NR6A1: variants seen among roughly 807,000 people sequenced by gnomAD.
NR6A1 encodes the protein retinoic acid receptor-related testis-associated receptor.
A neutral mutation model predicts 59.1 loss-of-function variants in NR6A1; 7 were observed. The observed-to-expected ratio is 0.12, with a 90% CI of 0.07 to 0.22. The LOEUF is 0.22. Ranked by LOEUF, NR6A1 falls within the 10% of genes least tolerant of loss-of-function variation. The pLI, the probability that NR6A1 is intolerant of heterozygous loss-of-function variation, is 1.00. For missense variants in NR6A1, 468 were observed against 611.6 expected (o/e 0.77, Z 2.48); for synonymous variants, 243 against 236.1 (o/e 1.03, Z -0.27).
chr9:124,742,131 G>T (rs1336692852), intron 1 of NR6A1, among the ~76,000 whole-genome samples: 3 of 152,118 alleles, frequency 2.0e-5, no homozygotes, highest in Non-Finnish European at 4.4e-5. Flanking sequence ...AAGAGTTTTT[G>T]GTTTTTATCC....
chr9:124,682,567 T>C (rs931173050), intron 2 of NR6A1, among the ~76,000 whole-genome samples: 7 of 152,324 alleles, frequency 4.6e-5, no homozygotes, highest in South Asian at 2.1e-4. Context: ...TTTAAAAAAA[T>C]AGCTATTTTT....
intron 1 of NR6A1, among the ~76,000 whole-genome samples, chr9:124,739,230 AT>A (rs1318793672): frequency 1.3e-5 from 2 of 152,090 alleles, no homozygotes; most frequent in Non-Finnish European, 2.9e-5. Flanking sequence ...ATGGGTATGA[AT>A]TAGAATTAGA....
chr9:124,760,453 A>T (rs1265513800), intron 1 of NR6A1, among the ~76,000 whole-genome samples: 1 of 152,174 alleles, frequency 6.6e-6, no homozygotes, highest in Non-Finnish European at 1.5e-5. Flanking sequence ...CAACATAGAT[A>T]AATGCCCCAG....
At chr9:124,750,149 CCA>C (rs1310079073) in intron 1 of NR6A1, among the ~76,000 whole-genome samples, 1 of 152,232 alleles carries the variant, frequency 6.6e-6, no homozygotes, top group African/African-American at 2.4e-5. Context: ...TCAGTCCCTA[CCA>C]TGTTAAGGCT....
intron 1 of NR6A1, among the ~76,000 whole-genome samples, chr9:124,760,754 T>C (rs533082094): frequency 6.6e-6 from 1 of 152,336 alleles, no homozygotes; most frequent in East Asian, 1.9e-4. Flanking sequence ...TATGTAAATG[T>C]TAGCTATTAA....
intron 2 of NR6A1, among the ~76,000 whole-genome samples, chr9:124,617,108 T>A (rs1835917638): frequency 6.6e-6 from 1 of 152,164 alleles, no homozygotes; most frequent in Admixed American, 6.5e-5. Context: ...GTAAGGAGAT[T>A]AGAAACCAGA....
intron 2 of NR6A1, among the ~76,000 whole-genome samples, chr9:124,583,393 T>C (rs1282099648): frequency 2.0e-5 from 3 of 152,190 alleles, no homozygotes; most frequent in African/African-American, 7.2e-5. Context: ...AGTAAGGCTA[T>C]AGCATGCTCT....
In NR6A1 at chr9:124,563,704, T is replaced by C. The variant is rs542070105; in HGVS notation, c.143-9134A>G. Among the ~76,000 whole-genome samples, 8 of 152,344 alleles carry C rather than the reference T, an allele frequency of 5.3e-5. No homozygotes were observed. The South Asian group carries it at 1.4e-3, about 28-fold the overall frequency. On this transcript the variant is annotated intron_variant, in intron 2 of 9. Coordinates refer to ENST00000487099, the MANE Select transcript of NR6A1 (RefSeq NM_033334.4). ...ACTTAAGGACTTTTCTACTTTATGA[T>C]GGTATGAAAGTGATATGTATTCAGT... is the stretch of plus-strand genomic sequence containing the variant.
rs1037091916 is a variant in NR6A1, at chr9:124,519,106, T to G, written c.*3599A>C. Reference sequence around the variant, plus strand: ...TGCACCTAGCTCAGAGCCCAGGATTTTAAGGATCTGGTAACAGTGACCATG... The same window carrying G: ...TGCACCTAGCTCAGAGCCCAGGATTGTAAGGATCTGGTAACAGTGACCATG... On this transcript the variant is annotated 3_prime_UTR_variant, in exon 10 of 10. Coordinates refer to ENST00000487099, the MANE Select transcript of NR6A1 (RefSeq NM_033334.4). 1 of 152,178 alleles carries G rather than the reference T, an allele frequency of 6.6e-6. No individual in the cohort carries two copies. Among genetic ancestry groups the G allele is most frequent in the African/African-American group, 2.4e-5 (1 of 41,426 alleles). 9.4% of individuals were successfully genotyped at this position (152,178 alleles called of 1,614,324 possible). A position where few individuals can be genotyped will look rare whatever the true frequency, so the allele number is the denominator to read the frequency against.
chr9:124,569,854 C>T (rs1181599707), intron 2 of NR6A1, among the ~76,000 whole-genome samples: 2 of 152,214 alleles, frequency 1.3e-5, no homozygotes, highest in East Asian at 3.8e-4. Flanking sequence ...CAAGGTCACA[C>T]ATGGAGTTCC....
intron 1 of NR6A1, among the ~76,000 whole-genome samples, chr9:124,747,620 C>G (rs189583915): frequency 6.6e-6 from 1 of 152,248 alleles, no homozygotes; most frequent in East Asian, 1.9e-4. Flanking sequence ...ACATGTCAAA[C>G]TGAACCTATT....
In NR6A1 at chr9:124,557,223, G is replaced by A. The variant is rs535199959; in HGVS notation, c.143-2653C>T. On this transcript the variant is annotated intron_variant, in intron 2 of 9. Transcript: ENST00000487099. ...GGCTCACTGCAACCTCTGCCTCCCA[G>A]GTCCCGGTTCAAGTAATGATCCTGC... Among the ~76,000 whole-genome samples the A allele has an allele frequency of 1.2e-3, 176 of 152,084 alleles. 1 individual carries two copies. The highest frequency in any genetic ancestry group is 3.8e-3 in the African/African-American group (159 of 41,476).
intron 2 of NR6A1, among the ~76,000 whole-genome samples, chr9:124,710,954 A>C (rs1839261570): frequency 6.6e-6 from 1 of 152,136 alleles, no homozygotes; most frequent in Admixed American, 6.5e-5. Context: ...GTGGTGTATA[A>C]TGATAGGTAT....
intron 2 of NR6A1, among the ~76,000 whole-genome samples, chr9:124,600,906 G>C (rs1057277742): frequency 1.3e-5 from 2 of 148,994 alleles, no homozygotes; most frequent in East Asian, 2.0e-4. Context: ...AAAAGATTTT[G>C]TAATGCCAAT....
intron 2 of NR6A1, among the ~76,000 whole-genome samples, chr9:124,633,742 G>C (rs1836514578): frequency 6.6e-6 from 1 of 152,154 alleles, no homozygotes. Flanking sequence ...GAAAAAAGAA[G>C]ATGCCAACTG....
At chr9:124,584,699 C>T (rs1211801941) in intron 2 of NR6A1, among the ~76,000 whole-genome samples, 1 of 152,084 alleles carries the variant, frequency 6.6e-6, no homozygotes, top group East Asian at 1.9e-4. Flanking sequence ...CAGCCATTCC[C>T]CCATCTCTCC....
intron 2 of NR6A1, among the ~76,000 whole-genome samples, chr9:124,666,330 G>A (rs1318885376): frequency 7.0e-6 from 1 of 141,894 alleles, no homozygotes; most frequent in South Asian, 2.2e-4. Flanking sequence ...CCAGGCTGGA[G>A]TGTAGTAGTG....
At chr9:124,767,697 ATTTATTTT>A (rs1455630998) in intron 1 of NR6A1, among the ~76,000 whole-genome samples, 2 of 152,134 alleles carry the variant, frequency 1.3e-5, no homozygotes, top group African/African-American at 2.4e-5. Context: ...ATATTTGCCA[ATTTATTTT>A]CCAGCATAAA....
At chr9:124,657,414 G>A (rs1161696169) in intron 2 of NR6A1, among the ~76,000 whole-genome samples, 1 of 152,132 alleles carries the variant, frequency 6.6e-6, no homozygotes, top group South Asian at 2.1e-4. Context: ...AATTTCTAAA[G>A]AGACAAGAAA....
Sources: gnomAD v4.1 joint callset for allele counts (sites outside exome capture counted in the v4.1 genomes callset) on GRCh38, gnomAD v4.1.1 for gene constraint, MANE v1.5 for transcripts, NCBI Gene and HGNC (gene_info 2026-07-23, HGNC 2026-07-21) for gene names.